The following RANBP2 variants were observed in gnomAD, a reference collection of about 807,000 sequenced individuals.
RANBP2 encodes E3 SUMO-protein ligase RanBP2.
RANBP2 carries 57 observed loss-of-function variants against 303.6 expected under a neutral mutation model. The ratio of observed to expected loss-of-function variants is 0.19; its 90% confidence interval spans 0.15 to 0.23. The LOEUF (loss-of-function observed/expected upper bound fraction) is 0.23, where lower values mean the gene tolerates loss of function less well. Ranked by LOEUF, RANBP2 falls within the 10% of genes least tolerant of loss-of-function variation. The pLI is 1.00. For missense variants in RANBP2, 3,138 were observed against 3,780.8 expected, an observed-to-expected ratio of 0.83 and a Z score of 4.46; for synonymous variants, 1,167 against 1,301.5, an observed-to-expected ratio of 0.90 and a Z score of 2.23.
At chr2:109,157,335 A>G in the RANBP2 span, among the ~76,000 whole-genome samples, 8 of 152,348 alleles carry the variant, frequency 5.3e-5, no homozygotes, top group Admixed American at 3.3e-4. Context: ...TTAAAATTCA[A>G]TATTGCATTA....
the RANBP2 span, among the ~76,000 whole-genome samples, chr2:109,299,424 TTAAGATCACCC>T: frequency 1.2e-4 from 18 of 149,914 alleles, no homozygotes; most frequent in Non-Finnish European, 1.6e-4. Context: ...GTGGCCATCC[TTAAGATCACCC>T]TAAGGGTGAT....
chr2:109,497,417 C>A, the RANBP2 span, among the ~76,000 whole-genome samples: 4 of 152,350 alleles, frequency 2.6e-5, no homozygotes, highest in East Asian at 1.9e-4. Context: ...ACCTCGCACA[C>A]AGAGCTAATG....
chr2:109,568,917 G>A, the RANBP2 span, among the ~76,000 whole-genome samples: 2 of 152,162 alleles, frequency 1.3e-5, no homozygotes, highest in African/African-American at 4.8e-5. Context: ...ATTATTTGAA[G>A]TCCTATCACT....
chr2:109,632,797 C>A, the RANBP2 span, among the ~76,000 whole-genome samples: 1 of 150,372 alleles, frequency 6.7e-6, no homozygotes, highest in Non-Finnish European at 1.5e-5. Flanking sequence ...CCAGCCTGGG[C>A]AACAGAGCGA....
At chr2:108,843,844 T>TTGTGTGTGTGTG in the RANBP2 span, among the ~76,000 whole-genome samples, 75 of 22,824 alleles carry the variant, frequency 3.3e-3, 2 homozygotes, top group South Asian at 0.01. Context: ...AGTTCATGTT[T>TTGTGTGTGTGTG]TGTGTGTGTG....
At chr2:109,347,621 G>A in the RANBP2 span, 1 of 1,584,484 alleles carries the variant, frequency 6.3e-7, no homozygotes. Flanking sequence ...GATCCACTGT[G>A]GGGCATTGGG....
the RANBP2 span, among the ~76,000 whole-genome samples, chr2:109,330,086 G>A: frequency 6.6e-6 from 1 of 152,196 alleles, no homozygotes; most frequent in Non-Finnish European, 1.5e-5. Context: ...TTTAAAACAT[G>A]TAATGAAATA....
At chr2:109,559,475 C>T in the RANBP2 span, among the ~76,000 whole-genome samples, 4 of 151,932 alleles carry the variant, frequency 2.6e-5, no homozygotes, top group Non-Finnish European at 4.4e-5. Flanking sequence ...GCTGAAGAAT[C>T]TCCCTTTCTA....
chr2:109,026,041 G>T, the RANBP2 span, among the ~76,000 whole-genome samples: 1 of 152,108 alleles, frequency 6.6e-6, no homozygotes, highest in Non-Finnish European at 1.5e-5. Flanking sequence ...GTTCAGAGCA[G>T]GTGGGAAGAG....
the RANBP2 span, among the ~76,000 whole-genome samples, chr2:109,467,784 G>A: frequency 6.6e-6 from 1 of 152,284 alleles, no homozygotes; most frequent in East Asian, 1.9e-4. Context: ...TGATCTGACC[G>A]TTCTGCAGTC....
At chr2:109,104,317 A>G in the RANBP2 span, among the ~76,000 whole-genome samples, 28 of 152,232 alleles carry the variant, frequency 1.8e-4, no homozygotes, top group African/African-American at 6.3e-4. Context: ...AATGCTGGTC[A>G]TCTGTATGTA....
the RANBP2 span, among the ~76,000 whole-genome samples, chr2:109,387,935 C>T: frequency 2.6e-4 from 40 of 152,190 alleles, no homozygotes; most frequent in African/African-American, 8.9e-4. Flanking sequence ...CCCACACTGG[C>T]CCAGATTCCC....
the RANBP2 span, among the ~76,000 whole-genome samples, chr2:108,802,417 G>T: frequency 3.3e-3 from 452 of 134,932 alleles, no homozygotes; most frequent in African/African-American, 0.014. Context: ...CACTCATGAT[G>T]TGGCTCTCTG....
the RANBP2 span, among the ~76,000 whole-genome samples, chr2:108,849,770 G>A: frequency 1.3e-5 from 2 of 152,196 alleles, no homozygotes; most frequent in African/African-American, 2.4e-5. Flanking sequence ...TAGGCACAAG[G>A]GTTTCTTATG....
At chr2:109,410,410 G>A in the RANBP2 span, among the ~76,000 whole-genome samples, 2 of 152,206 alleles carry the variant, frequency 1.3e-5, no homozygotes, top group Admixed American at 6.5e-5. Context: ...ACCTCGGTGC[G>A]GAGGGCCCCT....
the RANBP2 span, among the ~76,000 whole-genome samples, chr2:108,846,271 CAAAT>C: frequency 2.0e-5 from 3 of 152,268 alleles, no homozygotes; most frequent in South Asian, 2.1e-4. Flanking sequence ...TGTACAGTCA[CAAAT>C]AATTTTTTAA....
chr2:109,033,408 C>T, the RANBP2 span, among the ~76,000 whole-genome samples: 1 of 152,260 alleles, frequency 6.6e-6, no homozygotes, highest in South Asian at 2.1e-4. Context: ...CCGCTCCCTG[C>T]ACAGAAAGCC....
the RANBP2 span, among the ~76,000 whole-genome samples, chr2:109,280,163 T>A: frequency 1.3e-5 from 2 of 152,292 alleles, no homozygotes; most frequent in Non-Finnish European, 2.9e-5. Context: ...CATAAAGAGC[T>A]GACATCTATA....
At chr2:108,936,525 C>A in the RANBP2 span, among the ~76,000 whole-genome samples, 1 of 152,166 alleles carries the variant, frequency 6.6e-6, no homozygotes, top group Non-Finnish European at 1.5e-5. Flanking sequence ...CGGCCTCCCA[C>A]GCTCTCCTTC....
Sources: gnomAD v4.1 joint callset for allele counts (sites outside exome capture counted in the v4.1 genomes callset) on GRCh38, gnomAD v4.1.1 for gene constraint, MANE v1.5 for transcripts, NCBI Gene and HGNC (gene_info 2026-07-23, HGNC 2026-07-21) for gene names.